BRWD3: variants seen among roughly 807,000 people sequenced by gnomAD.
BRWD3 encodes bromodomain and WD repeat-containing protein 3.
A neutral mutation model predicts 149.7 loss-of-function variants in BRWD3; 10 were observed. The ratio of observed to expected loss-of-function variants is 0.07; its 90% CI spans 0.04 to 0.11. The LOEUF is 0.11. BRWD3 is among the 10% of genes least tolerant of loss of function. The pLI, the probability that BRWD3 is intolerant of heterozygous loss-of-function variation, is 1.00. For missense variants in BRWD3, 940 were observed against 1,373.2 expected, an observed-to-expected ratio of 0.68 and a Z score of 4.99; for synonymous variants, 504 against 456.7, an observed-to-expected ratio of 1.10 and a Z score of -1.32.
chrX:80,690,163 G>A, intron 31 of BRWD3, 71 bp from the exon 32 acceptor site: 1 of 1,059,367 alleles, frequency 9.4e-7, no homozygotes, highest in Non-Finnish European at 1.3e-6. Context: ...TATACAATAT[G>A]GAACAAATAT....
At chrX:80,732,536 GA>G (rs1204699159) in intron 12 of BRWD3, among the ~76,000 whole-genome samples, 2 of 110,583 alleles carry the variant, frequency 1.8e-5, no homozygotes, top group African/African-American at 6.6e-5. Flanking sequence ...AGAAGAGGGG[GA>G]AAAAAAGAAA....
At position 80,695,951 on chromosome X, in the gene BRWD3, T is replaced by G. The variant is rs745848612; in HGVS notation, c.3108A>C (p.Leu1036=). 1.7e-6 allele frequency: 2 copies of G among 1,210,597 alleles called. No individual in the cohort carries two copies. Among genetic ancestry groups the G allele is most frequent in the East Asian group, 5.9e-5 (2 of 33,789 alleles). ...DMPDVIDFLV[L]HQFYNEAKER... is the part of the protein sequence containing the mutation. ...CTTTGGCTTCATTATAAAACTGATGTAGCACAAGGAAGTCAATGACATCCG... is the reference window on the plus strand; with the variant it reads ...CTTTGGCTTCATTATAAAACTGATGGAGCACAAGGAAGTCAATGACATCCG... The change falls in exon 27 of 41, where the codon CTA becomes CTC. Residue 1036 remains leucine, a synonymous_variant. Transcript: ENST00000373275.
At position 80,809,039 on chromosome X, in the gene BRWD3, G is replaced by C; in HGVS notation, c.94C>G (p.Leu32Val). ...TGATGCTCCTCGAGCTCCTGCACTA[G>C]CACCTGAGCAAAAGGGAAACACAGA... The part of the protein sequence containing the change: ...SGPCNKSAQV[L>V]VQELEEHQLI... The change falls in exon 3 of 41, where the codon CTA (leucine) becomes GTA (valine). Residue 32 changes from leucine to valine, a missense_variant. Physicochemically the swap from Leu to Val is conservative, Grantham distance 32. Transcript: ENST00000373275. 1.7e-6 allele frequency: 2 copies of C among 1,191,603 alleles called. No homozygotes were observed. The highest frequency in any genetic ancestry group is 3.7e-5 in the South Asian group (2 of 54,233).
At chrX:80,803,248 G>A (rs1266555568) in intron 4 of BRWD3, among the ~76,000 whole-genome samples, 1 of 111,385 alleles carries the variant, frequency 9.0e-6, no homozygotes, top group African/African-American at 3.3e-5. Flanking sequence ...AACATCAGTA[G>A]TAAAACAAAA....
At chrX:80,736,816 C>T (rs1167223714) in intron 8 of BRWD3, among the ~76,000 whole-genome samples, 2 of 110,898 alleles carry the variant, frequency 1.8e-5, no homozygotes, top group African/African-American at 6.6e-5. Context: ...AAAAGAATCA[C>T]AGAAAAGGGA....
At chrX:80,690,975 G>A in intron 31 of BRWD3, 78 bp downstream of exon 31, 5 of 1,093,141 alleles carry the variant, frequency 4.6e-6, no homozygotes, top group Non-Finnish European at 6.3e-6. Context: ...GTTATACTAT[G>A]GAAATGCAGA....
chrX:80,808,672 G>C, intron 3 of BRWD3, 74 bp from the exon 4 acceptor site: 1 of 930,511 alleles, frequency 1.1e-6, no homozygotes, highest in Non-Finnish European at 1.5e-6. Context: ...CCCATCAACT[G>C]GACCCAACCT....
At position 80,809,700 on chromosome X, in the gene BRWD3, G is replaced by GGAGA. The variant is rs545281823; in HGVS notation, c.-233_-230dup. ...AGGAGGAAGGAGAGGAGAGGGAGAG[G>GGAGA]GAGAGAGAGAGTGAGTGAGTGAGAG... On this transcript the variant is annotated 5_prime_UTR_variant, in exon 1 of 41. Transcript: ENST00000373275. 1.9e-5 allele frequency: 6 copies of GGAGA among 315,320 alleles called. No homozygotes were observed. The East Asian group carries it at 2.4e-4, about 13-fold the overall frequency. The allele number at this position is 315,320 out of a possible 1,213,427, so 26.0% of individuals were successfully genotyped here.
At chrX:80,741,738 C>A (rs1247471995) in intron 8 of BRWD3, among the ~76,000 whole-genome samples, 1 of 111,810 alleles carries the variant, frequency 8.9e-6, no homozygotes, top group African/African-American at 3.3e-5. Flanking sequence ...ATATCCTTCG[C>A]CTACTTTTTG....
At chrX:80,791,193 A>C (rs1201050434) in intron 6 of BRWD3, among the ~76,000 whole-genome samples, 1 of 112,093 alleles carries the variant, frequency 8.9e-6, no homozygotes, top group Non-Finnish European at 1.9e-5. Context: ...AATTATAGGC[A>C]TATTCTGTAG....
chrX:80,748,791 T>C (rs992558186), intron 6 of BRWD3, among the ~76,000 whole-genome samples: 5 of 111,674 alleles, frequency 4.5e-5, no homozygotes, highest in African/African-American at 1.6e-4. Flanking sequence ...GCATACTTTG[T>C]TCATCTTTTT....
intron 4 of BRWD3, among the ~76,000 whole-genome samples, chrX:80,796,161 C>T (rs1462397999): frequency 9.4e-6 from 1 of 106,142 alleles, no homozygotes; most frequent in African/African-American, 3.5e-5. Context: ...GTCGGAGTCT[C>T]GCTCTGTCAC....
rs927513329 is a variant in BRWD3, at chrX:80,713,531, G to A, written c.2325+2626C>T. Among the ~76,000 whole-genome samples the A allele has an allele frequency of 4.6e-4, 50 of 109,182 alleles. 1 individual carries two copies. The East Asian group carries it at 0.012, about 27-fold the overall frequency. The allele number at this position is 109,182 out of a possible 115,157, so 94.8% of individuals were successfully genotyped here. ...AGTCATCACCACTCCCTAATCTCAA[G>A]TACCCAGGGACACAAACACTGCGGA... On this transcript the variant is annotated intron_variant, in intron 20 of 40. Transcript: ENST00000373275.
chrX:80,689,241 A>G (rs906199548), intron 33 of BRWD3, among the ~76,000 whole-genome samples: 1 of 111,126 alleles, frequency 9.0e-6, no homozygotes, highest in African/African-American at 3.3e-5. Flanking sequence ...AGAAACATAG[A>G]TGAGTGGGGA....
intron 8 of BRWD3, 147 bp downstream of exon 8, chrX:80,743,885 A>T: frequency 2.5e-6 from 1 of 405,449 alleles, no homozygotes; most frequent in Non-Finnish European, 4.3e-6. Flanking sequence ...TTAAAAAAAT[A>T]TCTTGCTGCA....
Position 80,681,504 on chromosome X carries a change from C to A in BRWD3, c.4496-5G>T. The A allele has an allele frequency of 8.4e-7, 1 of 1,194,800 alleles. No individual in the cohort carries two copies. ...GCCCTTCAGCAGCATCTGAAACTTACATTTTAAAAGATTTTAATACTAACA... is the reference window on the plus strand; with the variant it reads ...GCCCTTCAGCAGCATCTGAAACTTAAATTTTAAAAGATTTTAATACTAACA... On this transcript the variant is annotated splice_polypyrimidine_tract_variant and splice_region_variant and intron_variant, in intron 39 of 40. Coordinates refer to ENST00000373275, the MANE Select transcript of BRWD3 (RefSeq NM_153252.5).
chrX:80,725,317 T>C (rs2073201397), intron 14 of BRWD3, among the ~76,000 whole-genome samples: 1 of 112,031 alleles, frequency 8.9e-6, no homozygotes, highest in Admixed American at 9.5e-5. Context: ...TCTAAACAGT[T>C]ACAGCTCATT....
chrX:80,752,392 T>C (rs1050178109), intron 6 of BRWD3, among the ~76,000 whole-genome samples: 1 of 111,440 alleles, frequency 9.0e-6, no homozygotes, highest in African/African-American at 3.3e-5. Context: ...GATATAATGA[T>C]TTATTTTCCT....
chrX:80,691,724 T>C, intron 30 of BRWD3, 99 bp downstream of exon 30: 2 of 1,015,820 alleles, frequency 2.0e-6, no homozygotes, highest in Non-Finnish European at 2.8e-6. Flanking sequence ...AACTGAAGTG[T>C]ACAGTGAGAA....
Sources: allele counts gnomAD v4.1 joint callset (sites outside exome capture counted in the v4.1 genomes callset), GRCh38; gene constraint gnomAD v4.1.1; transcripts MANE v1.5; gene names NCBI Gene and HGNC (gene_info 2026-07-23, HGNC 2026-07-21).